The following FSTL5 variants were observed in gnomAD, a reference collection of about 807,000 sequenced individuals.
FSTL5 encodes follistatin-related protein 5.
A neutral mutation model predicts 89.1 loss-of-function variants in FSTL5; 62 were observed. That is an observed-to-expected ratio of 0.70 (90% CI 0.57 to 0.86). The LOEUF (loss-of-function observed/expected upper bound fraction) is 0.86. Ranked by LOEUF, FSTL5 falls within the 40% of genes least tolerant of loss-of-function variation. FSTL5 has a pLI of 0.00. For synonymous variants in FSTL5, 383 were observed against 346.2 expected, an observed-to-expected ratio of 1.11 and a Z score of -1.18; for missense variants, 1,057 against 1,001.6, an observed-to-expected ratio of 1.06 and a Z score of -0.75.
At position 162,089,573 on chromosome 4, in the gene FSTL5, C is replaced by T. The variant is rs954674614; in HGVS notation, c.126+21698G>A. ...ACCTGAACCCTGGAGGCGGAGGTTG[C>T]AGTGAGCCGAGATTAAGCCACTGAA... is the stretch of plus-strand genomic sequence containing the variant. On this transcript the variant is annotated intron_variant, in intron 2 of 15. Transcript: ENST00000306100. 5.9e-5 allele frequency among the ~76,000 whole-genome samples: 8 copies of T among 136,484 alleles called. 1 individual carries two copies. In the South Asian group the frequency reaches 1.8e-3, roughly 31 times the overall value. 89.5% of individuals were successfully genotyped at this position (136,484 alleles called of 152,430 possible).
intron 4 of FSTL5, among the ~76,000 whole-genome samples, chr4:161,848,017 C>A (rs1177767168): frequency 3.1e-5 from 3 of 95,414 alleles, no homozygotes; most frequent in Non-Finnish European, 5.6e-5. Flanking sequence ...GCCTGGGTGA[C>A]AAGAGCAAGA....
chr4:161,919,592 TGG>T (rs907770525), intron 4 of FSTL5, among the ~76,000 whole-genome samples: 1 of 152,188 alleles, frequency 6.6e-6, no homozygotes, highest in Non-Finnish European at 1.5e-5. Context: ...TCTGAGAAAC[TGG>T]GACTTGGCAC....
chr4:161,627,959 C>T (rs571665101), intron 7 of FSTL5, among the ~76,000 whole-genome samples: 1 of 152,200 alleles, frequency 6.6e-6, no homozygotes, highest in East Asian at 1.9e-4. Flanking sequence ...AAATCCAATA[C>T]ACACAAAAGA....
intron 15 of FSTL5, among the ~76,000 whole-genome samples, chr4:161,412,375 A>T (rs1219498850): frequency 6.6e-6 from 1 of 152,084 alleles, no homozygotes; most frequent in Non-Finnish European, 1.5e-5. Context: ...GAGCCCAAAC[A>T]GCCAAAGCAA....
intron 7 of FSTL5, among the ~76,000 whole-genome samples, chr4:161,606,265 G>A (rs1309786822): frequency 2.7e-5 from 1 of 37,512 alleles, no homozygotes; most frequent in African/African-American, 8.8e-5. Flanking sequence ...TTTTTTTTTT[G>A]ACGGAGTCTC....
chr4:161,415,488 C>T (rs1187947063), intron 15 of FSTL5, among the ~76,000 whole-genome samples: 1 of 152,078 alleles, frequency 6.6e-6, no homozygotes, highest in Non-Finnish European at 1.5e-5. Context: ...CTCCTAACCT[C>T]AGGTGATCCA....
At chr4:162,021,886 T>C (rs1165062638) in intron 3 of FSTL5, among the ~76,000 whole-genome samples, 1 of 151,782 alleles carries the variant, frequency 6.6e-6, no homozygotes, top group African/African-American at 2.4e-5. Context: ...AGGTCATAAG[T>C]TCAAGACCAG....
intron 11 of FSTL5, among the ~76,000 whole-genome samples, chr4:161,506,854 G>T (rs931677086): frequency 1.3e-5 from 2 of 151,698 alleles, no homozygotes; most frequent in East Asian, 3.9e-4. Flanking sequence ...AATTTTTTTG[G>T]TTTGGTGTTA....
chr4:162,036,880 T>C (rs769331639), intron 2 of FSTL5, among the ~76,000 whole-genome samples: 2 of 151,832 alleles, frequency 1.3e-5, no homozygotes, highest in African/African-American at 4.8e-5. Flanking sequence ...GTTCAAGTTA[T>C]CTAAGGAAGG....
At chr4:161,930,788 T>C (rs895115126) in intron 3 of FSTL5, among the ~76,000 whole-genome samples, 1 of 151,926 alleles carries the variant, frequency 6.6e-6, no homozygotes, top group Non-Finnish European at 1.5e-5. Context: ...CCAAAAACTT[T>C]GTTTATCCCT....
chr4:161,682,365 G>C (rs1737554704), intron 6 of FSTL5, among the ~76,000 whole-genome samples: 1 of 152,064 alleles, frequency 6.6e-6, no homozygotes, highest in Non-Finnish European at 1.5e-5. Context: ...TTTTTACTTT[G>C]TGAACTTTTA....
At chr4:161,883,517 T>C (rs927224750) in intron 4 of FSTL5, among the ~76,000 whole-genome samples, 1 of 152,154 alleles carries the variant, frequency 6.6e-6, no homozygotes, top group Admixed American at 6.6e-5. Context: ...AAATCTCCCT[T>C]GATACGTATT....
At chr4:161,479,487 C>T (rs1729423651) in intron 13 of FSTL5, among the ~76,000 whole-genome samples, 4 of 152,042 alleles carry the variant, frequency 2.6e-5, no homozygotes, top group Non-Finnish European at 4.4e-5. Flanking sequence ...AAATATATTT[C>T]CAATTTTAAT....
chr4:161,472,983 A>G (rs1455435850), intron 13 of FSTL5, among the ~76,000 whole-genome samples: 2 of 152,164 alleles, frequency 1.3e-5, no homozygotes, highest in Non-Finnish European at 2.9e-5. Context: ...TTGGCCTCCC[A>G]AAGTGCTGGG....
rs111951685 is a variant in FSTL5 at position 161,678,607 on chromosome 4, T to C, written c.728-22113A>G. Among the ~76,000 whole-genome samples, 261 of 152,000 alleles carry C rather than the reference T, an allele frequency of 1.7e-3. 1 individual carries two copies. The highest frequency in any genetic ancestry group is 6.1e-3 in the African/African-American group (252 of 41,556). On this transcript the variant is annotated intron_variant, in intron 6 of 15. Transcript: ENST00000306100. ...TATGCATTTATCACAGCTGCAGATA[T>C]ATTTTCAAAATAAACTGCAAACTCA...
chr4:161,806,685 A>C (rs1307995320), intron 4 of FSTL5, among the ~76,000 whole-genome samples: 2 of 152,170 alleles, frequency 1.3e-5, no homozygotes, highest in Non-Finnish European at 2.9e-5. Flanking sequence ...TTTGCAACAT[A>C]GAAGAGAAAA....
intron 14 of FSTL5, 57 bp from the exon 15 acceptor site, chr4:161,455,185 C>T (rs2126401450): frequency 3.6e-6 from 5 of 1,380,998 alleles, no homozygotes; most frequent in East Asian, 2.6e-5. Context: ...ATAGTATAAG[C>T]TTTAATTTTA....
chr4:161,589,956 A>G (rs975046817), intron 7 of FSTL5, among the ~76,000 whole-genome samples: 14 of 152,138 alleles, frequency 9.2e-5, no homozygotes, highest in Non-Finnish European at 1.6e-4. Flanking sequence ...AACACAAAAC[A>G]GAGATAGGAA....
At chr4:161,408,825 G>C (rs1578950867) in intron 15 of FSTL5, among the ~76,000 whole-genome samples, 1 of 152,150 alleles carries the variant, frequency 6.6e-6, no homozygotes. Flanking sequence ...GAATCTCAGA[G>C]CGTGAAGACC....
Sources: allele counts gnomAD v4.1 joint callset (sites outside exome capture counted in the v4.1 genomes callset), GRCh38; gene constraint gnomAD v4.1.1; transcripts MANE v1.5; gene names NCBI Gene and HGNC (gene_info 2026-07-23, HGNC 2026-07-21).